Variants in DLG2 observed in about 807,000 individuals in gnomAD.
The protein encoded by DLG2 is disks large homolog 2.
In DLG2, 45 loss-of-function variants were observed where a neutral mutation model predicts 132.5. That is an observed-to-expected ratio of 0.34 (90% CI 0.27 to 0.44). The LOEUF (loss-of-function observed/expected upper bound fraction) is 0.44. DLG2 is among the 20% of genes least tolerant of loss of function. The pLI is 1.00. For synonymous variants in DLG2, 424 were observed against 419.6 expected, an observed-to-expected ratio of 1.01 and a Z score of -0.13; for missense variants, 1,045 against 1,196.9, an observed-to-expected ratio of 0.87 and a Z score of 1.87.
chr11:84,869,510 T>A (rs770882103), intron 6 of DLG2, among the ~76,000 whole-genome samples: 3 of 152,188 alleles, frequency 2.0e-5, no homozygotes, highest in Non-Finnish European at 2.9e-5. Context: ...AAAAGCTTCT[T>A]CCTCTTCAAT....
intron 7 of DLG2, among the ~76,000 whole-genome samples, chr11:84,431,307 A>G (rs891568392): frequency 2.4e-4 from 36 of 152,188 alleles, no homozygotes; most frequent in African/African-American, 8.4e-4. Flanking sequence ...CAGGATGTCT[A>G]ATCATAGTCA....
At chr11:84,676,974 G>A (rs2099713569) in intron 6 of DLG2, among the ~76,000 whole-genome samples, 1 of 152,010 alleles carries the variant, frequency 6.6e-6, no homozygotes, top group African/African-American at 2.4e-5. Context: ...ATTGGTGACT[G>A]GAGATAACAA....
intron 6 of DLG2, among the ~76,000 whole-genome samples, chr11:85,058,566 T>C (rs1397685228): frequency 6.6e-6 from 1 of 151,454 alleles, no homozygotes; most frequent in African/African-American, 2.4e-5. Context: ...GAAATGCAAA[T>C]ATACAAGAAT....
chr11:85,313,576 G>T (rs1413856501), intron 3 of DLG2, among the ~76,000 whole-genome samples: 1 of 151,948 alleles, frequency 6.6e-6, no homozygotes. Flanking sequence ...GTTTACAATT[G>T]TTTTTCATGT....
intron 16 of DLG2, among the ~76,000 whole-genome samples, chr11:83,872,028 G>A (rs1193011671): frequency 6.6e-6 from 1 of 152,144 alleles, no homozygotes; most frequent in East Asian, 1.9e-4. Context: ...CACTTTGGGA[G>A]GCTGGGGCGG....
intron 7 of DLG2, among the ~76,000 whole-genome samples, chr11:84,468,450 C>T (rs1413377332): frequency 1.3e-5 from 2 of 151,450 alleles, no homozygotes; most frequent in African/African-American, 4.8e-5. Flanking sequence ...ATGTTCCCTC[C>T]ACACACCAAA....
intron 7 of DLG2, among the ~76,000 whole-genome samples, chr11:84,370,185 A>C (rs1369667149): frequency 6.6e-6 from 1 of 152,008 alleles, no homozygotes; most frequent in Non-Finnish European, 1.5e-5. Flanking sequence ...CCATTCATAG[A>C]CTCGAATATA....
intron 3 of DLG2, among the ~76,000 whole-genome samples, chr11:85,322,783 A>T (rs557560319): frequency 6.2e-4 from 95 of 152,166 alleles, no homozygotes; most frequent in African/African-American, 2.1e-3. Context: ...TCTCCAATCA[A>T]TTATGAAGTC....
intron 3 of DLG2, among the ~76,000 whole-genome samples, chr11:85,533,007 T>TTTGTTA (rs1555175038): frequency 6.6e-6 from 1 of 151,122 alleles, no homozygotes; most frequent in East Asian, 2.0e-4. Context: ...CTAAGGTGTT[T>TTTGTTA]TTGTTGTTGT....
intron 9 of DLG2, among the ~76,000 whole-genome samples, chr11:84,158,840 A>G (rs112245525): frequency 1.6e-4 from 24 of 152,250 alleles, no homozygotes; most frequent in African/African-American, 5.5e-4. Flanking sequence ...CCTCAATTAT[A>G]TTTATAAATA....
chr11:84,783,927 A>G (rs1407142323), intron 6 of DLG2, among the ~76,000 whole-genome samples: 1 of 151,916 alleles, frequency 6.6e-6, no homozygotes, highest in Non-Finnish European at 1.5e-5. Context: ...GGGAGTTGGG[A>G]AGCAAATGGA....
At chr11:84,261,519 A>G (rs1392267011) in intron 7 of DLG2, among the ~76,000 whole-genome samples, 1 of 152,204 alleles carries the variant, frequency 6.6e-6, no homozygotes, top group African/African-American at 2.4e-5. Context: ...ATTACTTCAG[A>G]TCACACTGAA....
intron 8 of DLG2, among the ~76,000 whole-genome samples, chr11:84,167,312 G>T (rs1365357386): frequency 6.6e-6 from 1 of 152,164 alleles, no homozygotes; most frequent in African/African-American, 2.4e-5. Context: ...TAAGCAAAGA[G>T]AGTGACCCAC....
At chr11:83,747,905 A>G (rs1593553313) in intron 18 of DLG2, among the ~76,000 whole-genome samples, 1 of 152,286 alleles carries the variant, frequency 6.6e-6, no homozygotes, top group Admixed American at 6.5e-5. Flanking sequence ...TCTATATACC[A>G]GATATTAAGT....
intron 6 of DLG2, among the ~76,000 whole-genome samples, chr11:85,109,465 C>T (rs1294552119): frequency 2.0e-5 from 3 of 152,048 alleles, no homozygotes; most frequent in Non-Finnish European, 4.4e-5. Flanking sequence ...TTCTACAATA[C>T]AACTAGGACC....
intron 6 of DLG2, among the ~76,000 whole-genome samples, chr11:84,694,068 C>T (rs987072340): frequency 1.3e-5 from 2 of 151,232 alleles, no homozygotes; most frequent in African/African-American, 2.4e-5. Context: ...TTCACCTCTG[C>T]ATCATATTAT....
chr11:84,054,075 T>A (rs547809527), intron 11 of DLG2, among the ~76,000 whole-genome samples: 2 of 152,082 alleles, frequency 1.3e-5, no homozygotes, highest in Non-Finnish European at 2.9e-5. Flanking sequence ...AAGACCACCT[T>A]TGGATATCAA....
intron 4 of DLG2, among the ~76,000 whole-genome samples, chr11:85,177,302 C>T (rs1380342185): frequency 6.6e-6 from 1 of 151,078 alleles, no homozygotes; most frequent in Non-Finnish European, 1.5e-5. Context: ...CACACACACA[C>T]ACACACATAC....
chr11:85,500,999 C>T (rs1284014695), intron 3 of DLG2, among the ~76,000 whole-genome samples: 1 of 152,178 alleles, frequency 6.6e-6, no homozygotes, highest in Admixed American at 6.5e-5. Context: ...GGAGGCATCA[C>T]ACTACCTGAC....
Sources: allele counts gnomAD v4.1 joint callset (sites outside exome capture counted in the v4.1 genomes callset), GRCh38; gene constraint gnomAD v4.1.1; transcripts MANE v1.5; gene names NCBI Gene and HGNC (gene_info 2026-07-23, HGNC 2026-07-21).